The following AAMDC variants were observed in gnomAD, a reference collection of about 807,000 sequenced individuals.
AAMDC encodes the protein adipogenesis associated Mth938 domain containing.
In AAMDC, 16 loss-of-function variants were observed where a neutral mutation model predicts 15.5. That is an observed-to-expected ratio of 1.03 (90% confidence interval 0.70 to 1.57). The LOEUF is 1.57. AAMDC is among the 40% of genes most tolerant of loss of function. The pLI, the probability that AAMDC is intolerant of heterozygous loss-of-function variation, is 0.00. For synonymous variants in AAMDC, 51 were observed against 51.6 expected, an observed-to-expected ratio of 0.99 and a Z score of 0.05; for missense variants, 141 against 144.9, an observed-to-expected ratio of 0.97 and a Z score of 0.14.
intron 5 of AAMDC, among the ~76,000 whole-genome samples, chr11:77,898,131 A>AT (rs1251966036): frequency 6.6e-6 from 1 of 151,876 alleles, no homozygotes; most frequent in African/African-American, 2.4e-5. Context: ...TGTTATTATT[A>AT]TTTTTTGCTC....
chr11:77,843,863 A>G (rs1366205636), intron 2 of AAMDC, among the ~76,000 whole-genome samples: 1 of 152,186 alleles, frequency 6.6e-6, no homozygotes, highest in Non-Finnish European at 1.5e-5. Flanking sequence ...ATCATGGCAG[A>G]AGGCAAGGAG....
intron 1 of AAMDC, among the ~76,000 whole-genome samples, chr11:77,824,613 C>A (rs1208072899): frequency 2.0e-5 from 3 of 152,056 alleles, no homozygotes; most frequent in Non-Finnish European, 4.4e-5. Context: ...TAAAAGAAGG[C>A]AGACACAAAA....
exon 6 of AAMDC, chr11:77,900,636 C>A (rs1475640136): frequency 1.4e-6 from 1 of 698,000 alleles, no homozygotes; most frequent in African/African-American, 1.8e-5. Context: ...TTTTTTGTAT[C>A]AAATCTATGA....
downstream of AAMDC, among the ~76,000 whole-genome samples, chr11:77,876,329 C>T (rs893984295): frequency 6.6e-6 from 1 of 151,896 alleles, no homozygotes; most frequent in African/African-American, 2.4e-5. Context: ...TCTGGGCCTG[C>T]GTATTCATTT....
intron 5 of AAMDC, chr11:77,891,382 A>C (rs1952256875): frequency 6.2e-7 from 1 of 1,612,316 alleles, no homozygotes; most frequent in Non-Finnish European, 8.5e-7. Flanking sequence ...CATCCAGGGC[A>C]ACCACCAACC....
chr11:77,847,717 T>C (rs528626455), intron 2 of AAMDC, among the ~76,000 whole-genome samples: 1 of 152,328 alleles, frequency 6.6e-6, no homozygotes, highest in South Asian at 2.1e-4. Context: ...TTAGTTTATA[T>C]TGTATTCAGT....
At chr11:77,903,696 G>A (rs1952850743), downstream of AAMDC, 1 of 1,159,954 alleles carries the variant, frequency 8.6e-7, no homozygotes, top group Non-Finnish European at 1.2e-6. Flanking sequence ...TTACATTTTT[G>A]TTTTCCTTTG....
chr11:77,874,574 C>T (rs1951547029), downstream of AAMDC, among the ~76,000 whole-genome samples: 1 of 152,118 alleles, frequency 6.6e-6, no homozygotes, highest in African/African-American at 2.4e-5. Flanking sequence ...TACTTTGGAA[C>T]CTGGTGCACA....
chr11:77,841,968 T>G (rs1372744246), intron 1 of AAMDC, among the ~76,000 whole-genome samples: 1 of 152,168 alleles, frequency 6.6e-6, no homozygotes, highest in East Asian at 1.9e-4. Context: ...CTACTTGAAC[T>G]TCACTTACAA....
rs1437066469 is a variant in AAMDC, at chr11:77,899,011, C to G, written c.329-1560C>G. 3.3e-5 allele frequency among the ~76,000 whole-genome samples: 5 copies of G among 151,426 alleles called. No individual in the cohort carries two copies. In the East Asian group the frequency reaches 9.6e-4, roughly 29 times the overall value. On this transcript the variant is annotated intron_variant, in intron 5 of 5. Coordinates refer to the AAMDC transcript ENST00000304716. ...CTCCAGCCTGGGTGATAGAGCAAGA[C>G]TCTGTCTCATAAATAAATAAATAAA... is the stretch of plus-strand genomic sequence containing the variant.
chr11:77,824,853 A>ATTCCTATATAAAT, intron 1 of AAMDC, among the ~76,000 whole-genome samples: 1 of 152,370 alleles, frequency 6.6e-6, no homozygotes, highest in African/African-American at 2.4e-5. Context: ...CTTCAATTTT[A>ATTCCTATATAAAT]GAAGTTAATG....
At chr11:77,891,653 G>C in intron 5 of AAMDC, 6 of 1,610,734 alleles carry the variant, frequency 3.7e-6, no homozygotes, top group Non-Finnish European at 5.1e-6. Context: ...GGACAGATTT[G>C]GCCTACAGGG....
chr11:77,860,084 C>T (rs1950811091), intron 2 of AAMDC, among the ~76,000 whole-genome samples: 1 of 152,196 alleles, frequency 6.6e-6, no homozygotes, highest in African/African-American at 2.4e-5. Flanking sequence ...GTTGCAAGCT[C>T]GTCTCTCAGA....
intron 5 of AAMDC, among the ~76,000 whole-genome samples, chr11:77,886,976 A>C (rs1237747534): frequency 6.6e-6 from 1 of 151,938 alleles, no homozygotes; most frequent in Non-Finnish European, 1.5e-5. Context: ...TATAGCACTA[A>C]ATGCCCACAA....
chr11:77,856,175 A>C (rs1334096250), intron 2 of AAMDC, among the ~76,000 whole-genome samples: 1 of 152,212 alleles, frequency 6.6e-6, no homozygotes, highest in Non-Finnish European at 1.5e-5. Flanking sequence ...TCAAGTTCAA[A>C]GTTCTACAGA....
chr11:77,830,830 A>G (rs1463667451), intron 1 of AAMDC, among the ~76,000 whole-genome samples: 2 of 152,032 alleles, frequency 1.3e-5, no homozygotes, highest in African/African-American at 4.8e-5. Context: ...GAAATAAATA[A>G]TGAAAACCAC....
chr11:77,877,736 T>C (rs922114641), intron 5 of AAMDC, among the ~76,000 whole-genome samples: 2 of 151,242 alleles, frequency 1.3e-5, no homozygotes, highest in Non-Finnish European at 2.9e-5. Context: ...CTGACTGTTA[T>C]ATCACACTTG....
At position 77,851,736 on chromosome 11, in the gene AAMDC, G is replaced by A. The variant is rs1950392889; in HGVS notation, c.132+9108G>A. On this transcript the variant is annotated intron_variant, in intron 2 of 3. Transcript: ENST00000393427. The stretch of plus-strand genomic sequence containing the variant: ...CATGCCTACTCCCACTTCACGTTCT[G>A]CCATGGGTAAAAGCTCCCTAAGGCC... Among the ~76,000 whole-genome samples, 4 of 152,134 alleles carry A rather than the reference G, an allele frequency of 2.6e-5. No homozygotes were observed. The South Asian group carries it at 8.3e-4, about 32-fold the overall frequency.
intron 5 of AAMDC, among the ~76,000 whole-genome samples, chr11:77,896,335 T>C (rs1952517083): frequency 2.0e-5 from 3 of 151,952 alleles, no homozygotes; most frequent in Non-Finnish European, 4.4e-5. Flanking sequence ...TAAACTGAAA[T>C]GATAAACTAA....
Sources: gnomAD v4.1 joint callset for allele counts (sites outside exome capture counted in the v4.1 genomes callset) on GRCh38, gnomAD v4.1.1 for gene constraint, MANE v1.5 for transcripts, NCBI Gene and HGNC (gene_info 2026-07-23, HGNC 2026-07-21) for gene names.